MAP4K3: variants seen among roughly 807,000 people sequenced by gnomAD.
MAP4K3 encodes mitogen-activated protein kinase kinase kinase kinase 3.
MAP4K3 carries 94 observed loss-of-function variants against 143.5 expected under a neutral mutation model. The observed-to-expected ratio is 0.65, with a 90% CI of 0.55 to 0.78. MAP4K3 has a LOEUF of 0.78. Among genes scored for constraint, MAP4K3 ranks in the 30% least tolerant of loss-of-function variants. The pLI is 0.00. For missense variants in MAP4K3, 1,077 were observed against 1,068.1 expected, an observed-to-expected ratio of 1.01 and a Z score of -0.12; for synonymous variants, 416 against 347.2, an observed-to-expected ratio of 1.20 and a Z score of -2.20.
intron 1 of MAP4K3, among the ~76,000 whole-genome samples, chr2:39,413,284 G>C (rs1667279673): frequency 6.6e-6 from 1 of 152,160 alleles, no homozygotes; most frequent in South Asian, 2.1e-4. Context: ...GAAAACTATA[G>C]TCCTAAGTGG....
chr2:39,338,627 T>C (rs1303741239), intron 4 of MAP4K3, among the ~76,000 whole-genome samples: 2 of 152,248 alleles, frequency 1.3e-5, no homozygotes, highest in African/African-American at 4.8e-5. Context: ...CTTAATCTTA[T>C]AAGTAATATT....
At chr2:39,340,182 C>A (rs895756539) in intron 4 of MAP4K3, among the ~76,000 whole-genome samples, 2 of 152,080 alleles carry the variant, frequency 1.3e-5, no homozygotes, top group South Asian at 2.1e-4. Flanking sequence ...AATACTCTCT[C>A]TATATAATGA....
intron 26 of MAP4K3, among the ~76,000 whole-genome samples, chr2:39,268,634 A>ATATTTTT (rs1680877515): frequency 1.4e-5 from 1 of 73,772 alleles, no homozygotes; most frequent in Non-Finnish European, 2.4e-5. Context: ...GATTTTTTCT[A>ATATTTTT]TTTTTTTTTT....
chr2:39,380,864 T>C (rs911780496), intron 1 of MAP4K3, among the ~76,000 whole-genome samples: 6 of 152,198 alleles, frequency 3.9e-5, no homozygotes, highest in African/African-American at 1.4e-4. Flanking sequence ...TCATGGTGTA[T>C]GATTCAGTTG....
At chr2:39,433,259 A>G (rs1321942685) in intron 1 of MAP4K3, among the ~76,000 whole-genome samples, 1 of 152,212 alleles carries the variant, frequency 6.6e-6, no homozygotes, top group Non-Finnish European at 1.5e-5. Context: ...GCTAGGAATC[A>G]TTCACAGGGA....
At chr2:39,364,865 CA>C (rs70957105) in intron 2 of MAP4K3, among the ~76,000 whole-genome samples, 2,387 of 114,690 alleles carry the variant, frequency 0.021, 57 homozygotes, top group African/African-American at 0.078. Flanking sequence ...AACTCTGTCT[CA>C]AAAAAAAAAA....
chr2:39,384,761 T>A (rs1666450102), intron 1 of MAP4K3, among the ~76,000 whole-genome samples: 1 of 152,222 alleles, frequency 6.6e-6, no homozygotes, highest in African/African-American at 2.4e-5. Context: ...TTGGAGTTTT[T>A]AATTTTTTTA....
chr2:39,346,884 G>C (rs966153936), intron 3 of MAP4K3, among the ~76,000 whole-genome samples: 1 of 151,864 alleles, frequency 6.6e-6, no homozygotes, highest in African/African-American at 2.4e-5. Context: ...TATTTGGAAT[G>C]CTGCTTAGGC....
At chr2:39,387,558 C>A (rs909324902) in intron 1 of MAP4K3, among the ~76,000 whole-genome samples, 3 of 152,214 alleles carry the variant, frequency 2.0e-5, no homozygotes, top group African/African-American at 7.2e-5. Flanking sequence ...CACCACCATG[C>A]AATGTAACTC....
intron 16 of MAP4K3, among the ~76,000 whole-genome samples, chr2:39,295,051 T>G (rs890999032): frequency 6.6e-6 from 1 of 151,376 alleles, no homozygotes; most frequent in African/African-American, 2.4e-5. Context: ...AAAAAAAAAG[T>G]AAAACAATGC....
At chr2:39,423,154 A>G (rs1664940113) in intron 1 of MAP4K3, among the ~76,000 whole-genome samples, 1 of 152,250 alleles carries the variant, frequency 6.6e-6, no homozygotes, top group African/African-American at 2.4e-5. Context: ...CAGATAGCAA[A>G]TATGCATAGG....
chr2:39,292,697 A>T, intron 18 of MAP4K3, 76 bp downstream of exon 18: 2 of 1,180,290 alleles, frequency 1.7e-6, no homozygotes, highest in Non-Finnish European at 1.3e-6. Context: ...ATTTCCATCA[A>T]TATTAAGCTG....
intron 1 of MAP4K3, among the ~76,000 whole-genome samples, chr2:39,380,732 A>C (rs1462225477): frequency 6.6e-6 from 1 of 152,128 alleles, no homozygotes; most frequent in Non-Finnish European, 1.5e-5. Context: ...GGTACAACAC[A>C]TCATTGCTTT....
chr2:39,435,304 A>G (rs1029510499), intron 1 of MAP4K3, among the ~76,000 whole-genome samples: 9 of 152,158 alleles, frequency 5.9e-5, no homozygotes, highest in Non-Finnish European at 1.3e-4. Flanking sequence ...AAAAGCCTGC[A>G]ATAGTTCCCC....
chr2:39,325,960 C>T lies in MAP4K3; in HGVS notation c.664G>A (p.Ala222Thr), dbSNP rs749083381. 3 of 1,590,412 alleles carry T rather than the reference C, an allele frequency of 1.9e-6. No homozygotes were observed. Among genetic ancestry groups the T allele is most frequent in the Non-Finnish European group, 2.6e-6 (3 of 1,163,244 alleles). The change falls in exon 10 of 34, where the codon GCA (alanine) becomes ACA (threonine). Residue 222 changes from alanine to threonine, a missense_variant and splice_region_variant. Ala to Thr is a moderately conservative substitution (Grantham distance 58, BLOSUM62 0). Transcript: ENST00000263881. ...TTGCTTTTTGTCATTAGAAATAATG[C>T]TCTGAAAAATCAACAAATCATTACA... ...PPMFDLHPMR[A>T]LFLMTKSNFQ...
intron 1 of MAP4K3, among the ~76,000 whole-genome samples, chr2:39,403,263 G>C (rs940879756): frequency 6.6e-6 from 1 of 152,076 alleles, no homozygotes; most frequent in East Asian, 1.9e-4. Context: ...ACACAAAAAA[G>C]CACCTTTATA....
At chr2:39,432,910 A>AG (rs1665337547) in intron 1 of MAP4K3, among the ~76,000 whole-genome samples, 1 of 152,176 alleles carries the variant, frequency 6.6e-6, no homozygotes, top group African/African-American at 2.4e-5. Context: ...CAAACACACA[A>AG]AGGTGAAAAA....
chr2:39,387,113 G>A lies in MAP4K3; in HGVS notation c.97-8990C>T, dbSNP rs115758183. Among the ~76,000 whole-genome samples, 584 of 152,054 alleles carry A rather than the reference G, an allele frequency of 3.8e-3. 7 individuals are homozygous for A. The highest frequency in any genetic ancestry group is 0.013 in the African/African-American group (553 of 41,502). On this transcript the variant is annotated intron_variant, in intron 1 of 33. Coordinates refer to ENST00000263881, the MANE Select transcript of MAP4K3 (RefSeq NM_003618.4). ...ACAGGTATGAGCCACCACCACGCCCGGCCGATTATTGTAGTTTTATAGTAA... is the reference window on the plus strand; with the variant it reads ...ACAGGTATGAGCCACCACCACGCCCAGCCGATTATTGTAGTTTTATAGTAA...
intron 28 of MAP4K3, among the ~76,000 whole-genome samples, chr2:39,261,521 A>G (rs1010003176): frequency 6.6e-6 from 1 of 152,242 alleles, no homozygotes; most frequent in Non-Finnish European, 1.5e-5. Flanking sequence ...GCAAATGCTC[A>G]TACAACACTG....
Sources: gnomAD v4.1 joint callset for allele counts (sites outside exome capture counted in the v4.1 genomes callset) on GRCh38, gnomAD v4.1.1 for gene constraint, MANE v1.5 for transcripts, NCBI Gene and HGNC (gene_info 2026-07-23, HGNC 2026-07-21) for gene names.